Variants in TSPAN17 observed in about 807,000 individuals in gnomAD.
The protein encoded by TSPAN17 is tetraspanin-17.
Under a neutral mutation model 40.5 loss-of-function variants are expected in TSPAN17, and 33 were observed. The observed-to-expected ratio is 0.81, with a 90% CI of 0.62 to 1.09. The LOEUF is 1.09. Ranked by LOEUF, TSPAN17 falls within the 50% of genes least tolerant of loss-of-function variation. TSPAN17 has a pLI of 0.00. For missense variants in TSPAN17, 365 were observed against 416.8 expected (o/e 0.88, Z 1.08); for synonymous variants, 166 against 169.4 (o/e 0.98, Z 0.15).
intron 6 of TSPAN17, 76 bp from the exon 7 acceptor site, chr5:176,656,624 T>G: frequency 6.1e-6 from 9 of 1,479,554 alleles, no homozygotes; most frequent in Non-Finnish European, 7.5e-6. Context: ...GGGGTGGGCG[T>G]GAGCTTGGCA....
At chr5:176,652,661 C>T (rs2113468038) in intron 3 of TSPAN17, 82 bp from the exon 4 acceptor site, 2 of 1,425,902 alleles carry the variant, frequency 1.4e-6, no homozygotes, top group Non-Finnish European at 9.7e-7. Flanking sequence ...GGATGGAGCC[C>T]TTCCCTGTGG....
intron 3 of TSPAN17, among the ~76,000 whole-genome samples, chr5:176,652,339 G>A (rs1326353758): frequency 6.6e-6 from 1 of 152,176 alleles, no homozygotes; most frequent in Non-Finnish European, 1.5e-5. Context: ...CTTTAATTGC[G>A]TTTCCTTGGC....
Position 176,655,138 on chromosome 5 carries a change from G to A in TSPAN17, c.582+118G>A, listed in dbSNP as rs146914916. 1,484 of 1,319,364 alleles carry A rather than the reference G, an allele frequency of 1.1e-3. 7 individuals carry two copies. The highest frequency in any genetic ancestry group is 9.2e-3 in the African/African-American group (623 of 67,606). The allele number at this position is 1,319,364 out of a possible 1,614,324, so 81.7% of individuals were successfully genotyped here. ...TCTGGGGGCGTGGATGCTGGGGGAC[G>A]TCATTTTACATGGGTGGCACTGAGG... is the stretch of plus-strand genomic sequence containing the variant. On this transcript the variant is annotated intron_variant, in intron 5 of 8. Coordinates refer to ENST00000508164, the MANE Select transcript of TSPAN17 (RefSeq NM_130465.5).
At position 176,651,768 on chromosome 5, in the gene TSPAN17, C is replaced by T. The variant is rs756941385; in HGVS notation, c.153C>T (p.Asn51=). Residue 51 remains asparagine, a synonymous_variant, in exon 3 of 9, where the codon AAC becomes AAT. Transcript: ENST00000508164. The surrounding 1 kb of genome is among the most constrained non-coding windows in gnomAD (Gnocchi z 4.5). ...GCCCGGCACAGGGCGTTCTCTCGAA[C>T]ATCTCAGCGCTGACAGATCTGGGAG... ...WAWGEKGVLS[N]ISALTDLGGL... The T allele has an allele frequency of 6.2e-7, 1 of 1,614,154 alleles. No individual in the cohort carries two copies. Among genetic ancestry groups the T allele is most frequent in the Non-Finnish European group, 8.5e-7 (1 of 1,180,004 alleles).
rs1417699414 is a variant in TSPAN17 at position 176,658,568 on chromosome 5, C to G, written c.*870C>G. ...ACATCGTGATGAGAGAAAGTTCGCACAATCTAGTCGGTAACAGCCACTTTC... is the reference window on the plus strand; with the variant it reads ...ACATCGTGATGAGAGAAAGTTCGCAGAATCTAGTCGGTAACAGCCACTTTC... On this transcript the variant is annotated 3_prime_UTR_variant, in exon 9 of 9. Coordinates refer to ENST00000508164, the MANE Select transcript of TSPAN17 (RefSeq NM_130465.5). 6.6e-6 allele frequency: 1 copy of G among 152,220 alleles called. No homozygotes were observed. The highest frequency in any genetic ancestry group is 1.9e-4 in the East Asian group (1 of 5,200). 9.4% of individuals were successfully genotyped at this position (152,220 alleles called of 1,614,324 possible). A position where few individuals can be genotyped will look rare whatever the true frequency, so the allele number is the denominator to read the frequency against.
At chr5:176,657,043 G>A (rs189563674) in intron 8 of TSPAN17, 87 bp downstream of exon 8, 25 of 1,344,258 alleles carry the variant, frequency 1.9e-5, no homozygotes, top group Middle Eastern at 1.9e-4. Context: ...TACTCCTGAC[G>A]GGCAAGGCTG....
rs1760954977 is a variant in TSPAN17 at position 176,651,302 on chromosome 5, C to T, written c.88-314C>T. Among the ~76,000 whole-genome samples, 4 of 152,164 alleles carry T rather than the reference C, an allele frequency of 2.6e-5. No individual in the cohort carries two copies. In the South Asian group the frequency reaches 8.3e-4, roughly 32 times the overall value. On this transcript the variant is annotated intron_variant, in intron 1 of 8. Coordinates refer to ENST00000508164, the MANE Select transcript of TSPAN17 (RefSeq NM_130465.5). The surrounding 1 kb of genome is among the most constrained non-coding windows in gnomAD (Gnocchi z 4.5). ...GCTCAGTATACTGGCGCCGTCGCTA[C>T]CCCCGCTGACACAGCTGCTATTGCT...
At position 176,650,139 on chromosome 5, in the gene TSPAN17, G is replaced by A. The variant is rs1760912190; in HGVS notation, c.88-1477G>A. The stretch of plus-strand genomic sequence containing the variant: ...CCCCGGCATGGCGGCGATCAGTGCC[G>A]GTGGGTCGTGGAGGTGTTTGCTGCA... On this transcript the variant is annotated intron_variant, in intron 1 of 8. Transcript: ENST00000508164. This position sits in a 1 kb window ranked among gnomAD's most constrained non-coding sequence, Gnocchi z 4.0. Among the ~76,000 whole-genome samples, 1 of 152,194 alleles carries A rather than the reference G, an allele frequency of 6.6e-6. No individual in the cohort carries two copies. Among genetic ancestry groups the A allele is most frequent in the Non-Finnish European group, 1.5e-5 (1 of 68,038 alleles).
intron 6 of TSPAN17, 73 bp downstream of exon 6, chr5:176,656,198 T>G: frequency 6.7e-7 from 1 of 1,500,080 alleles, no homozygotes; most frequent in Non-Finnish European, 9.2e-7. Flanking sequence ...GTCTATAACC[T>G]CCTCTGGAAG....
chr5:176,652,951 C>T lies in TSPAN17; in HGVS notation c.456+38C>T, dbSNP rs540225649. 658 of 1,605,788 alleles carry T rather than the reference C, an allele frequency of 4.1e-4. 12 individuals are homozygous for T. The South Asian group carries it at 6.5e-3, about 16-fold the overall frequency. On this transcript the variant is annotated intron_variant, in intron 4 of 8. Transcript: ENST00000508164. The stretch of plus-strand genomic sequence containing the variant: ...TCCAGCCTGGGACACCTGTAGGAGG[C>T]GCCTTCCTGGCAGACGAATGAGGGA...
chr5:176,655,141 A>G, intron 5 of TSPAN17, 121 bp downstream of exon 5: 3 of 1,291,334 alleles, frequency 2.3e-6, no homozygotes, highest in Non-Finnish European at 3.1e-6. Context: ...GGGGGACGTC[A>G]TTTTACATGG....
Position 176,654,899 on chromosome 5 carries a change from C to T in TSPAN17, c.461C>T (p.Ser154Phe). Residue 154 changes from serine to phenylalanine, a missense_variant, in exon 5 of 9, where the codon TCT (serine) becomes TTT (phenylalanine). Transcript: ENST00000508164. The surrounding 1 kb of genome is among the most constrained non-coding windows in gnomAD (Gnocchi z 4.3). ...NLIDFAQEYW[S>F]CCGARGPNDW... ...GGCTCTCCCCTGCCCCCACAGTGGT[C>T]TTGCTGCGGAGCCCGAGGCCCCAAT... 6.2e-7 allele frequency: 1 copy of T among 1,613,890 alleles called. No individual in the cohort carries two copies.
chr5:176,656,922 C>T lies in TSPAN17; in HGVS notation c.775C>T (p.Leu259Phe). The T allele has an allele frequency of 6.2e-7, 1 of 1,614,194 alleles. No individual in the cohort carries two copies. The highest frequency in any genetic ancestry group is 1.1e-5 in the South Asian group (1 of 91,084). The change falls in exon 8 of 9, where the codon CTC (leucine) becomes TTC (phenylalanine). Residue 259 changes from leucine (L) to phenylalanine (F), a missense_variant. By Grantham distance (22) the Leu-to-Phe change is conservative. Transcript: ENST00000508164. ...CTTTGGCATCTGCCTGGCCCAGAAC[C>T]TCGTGAGTGACATCAAGGCAGTGAA... ...QIFGICLAQN[L>F]VSDIKAVKAN...
At position 176,657,812 on chromosome 5, in the gene TSPAN17, C is replaced by T. The variant is rs997295946; in HGVS notation, c.*114C>T. ...ACTGCCTCCCCAGTCACCAAGGGCCCCAGCTGGCCCGTTCTACTCACCTAA... is the reference window on the plus strand; with the variant it reads ...ACTGCCTCCCCAGTCACCAAGGGCCTCAGCTGGCCCGTTCTACTCACCTAA... On this transcript the variant is annotated 3_prime_UTR_variant, in exon 9 of 9. Coordinates refer to ENST00000508164, the MANE Select transcript of TSPAN17 (RefSeq NM_130465.5). 2 of 1,498,432 alleles carry T rather than the reference C, an allele frequency of 1.3e-6. No individual in the cohort carries two copies. The highest frequency in any genetic ancestry group is 2.8e-5 in the African/African-American group (2 of 71,208). The allele number at this position is 1,498,432 out of a possible 1,614,324, so 92.8% of individuals were successfully genotyped here.
intron 3 of TSPAN17, among the ~76,000 whole-genome samples, chr5:176,652,494 T>G (rs1761007392): frequency 6.6e-6 from 1 of 152,170 alleles, no homozygotes; most frequent in Non-Finnish European, 1.5e-5. Flanking sequence ...ACTAAAGGTT[T>G]GCATGGAGGA....
chr5:176,647,759 C>T, intron 1 of TSPAN17, 57 bp downstream of exon 1: 1 of 1,480,130 alleles, frequency 6.8e-7, no homozygotes, highest in Non-Finnish European at 9.1e-7. Flanking sequence ...GAGGGAGATT[C>T]AGTCTTTTGC....
intron 8 of TSPAN17, 106 bp from the exon 9 acceptor site, chr5:176,657,412 T>C (rs1761201408): frequency 1.3e-6 from 2 of 1,519,540 alleles, no homozygotes; most frequent in Admixed American, 2.1e-5. Context: ...CAGAGCACTC[T>C]TTTCTATGAG....
chr5:176,655,564 C>T (rs574307496), intron 5 of TSPAN17, among the ~76,000 whole-genome samples: 1 of 152,122 alleles, frequency 6.6e-6, no homozygotes, highest in Non-Finnish European at 1.5e-5. Flanking sequence ...TTATAACACA[C>T]CAGCAGGCAG....
In TSPAN17 at chr5:176,651,547, G is replaced by T; in HGVS notation, c.88-69G>T. ...CTCCGCTGGAAAGGCCCTGGCTACC[G>T]GGGAAGGATGAGGGGGGAGGGTCCT... is the stretch of plus-strand genomic sequence containing the variant. On this transcript the variant is annotated intron_variant, in intron 1 of 8. Coordinates refer to ENST00000508164, the MANE Select transcript of TSPAN17 (RefSeq NM_130465.5). The surrounding 1 kb of genome is among the most constrained non-coding windows in gnomAD (Gnocchi z 4.5). 1.3e-6 allele frequency: 2 copies of T among 1,521,876 alleles called. No individual in the cohort carries two copies. Among genetic ancestry groups the T allele is most frequent in the Admixed American group, 2.1e-5 (1 of 47,682 alleles). The allele number at this position is 1,521,876 out of a possible 1,614,324, so 94.3% of individuals were successfully genotyped here. A position where few individuals can be genotyped will look rare whatever the true frequency, so the allele number is the denominator to read the frequency against.
Sources: gnomAD v4.1 joint callset for allele counts (sites outside exome capture counted in the v4.1 genomes callset) on GRCh38, gnomAD v4.1.1 for gene constraint, Gnocchi (gnomAD v3.1) non-coding constraint, MANE v1.5 for transcripts, NCBI Gene and HGNC (gene_info 2026-07-23, HGNC 2026-07-21) for gene names.